Variants in TOMM40 observed in about 807,000 individuals in gnomAD.
TOMM40 encodes the protein mitochondrial import receptor subunit TOM40 homolog.
Under a neutral mutation model 38.4 loss-of-function variants are expected in TOMM40, and 9 were observed. The observed-to-expected ratio is 0.23, with a 90% CI of 0.14 to 0.41. TOMM40 has a LOEUF of 0.41. TOMM40 is among the 10% of genes least tolerant of loss of function. The probability of loss-of-function intolerance (pLI) is 1.00; values close to 1 mark genes in which losing one functional copy is unlikely to be tolerated. For synonymous variants in TOMM40, 184 were observed against 210.0 expected (o/e 0.88, Z 1.07); for missense variants, 299 against 486.5 (o/e 0.61, Z 3.63).
intron 3 of TOMM40, among the ~76,000 whole-genome samples, chr19:44,893,364 G>T (rs976839900): frequency 3.9e-5 from 6 of 152,222 alleles, no homozygotes; most frequent in Admixed American, 2.0e-4. Flanking sequence ...GTGGCCATGT[G>T]GGGGCTAGTT....
At position 44,900,757 on chromosome 19, in the gene TOMM40, G is replaced by A; in HGVS notation, c.671G>A (p.Ser224Asn). 1 of 1,612,878 alleles carries A rather than the reference G, an allele frequency of 6.2e-7. No homozygotes were observed. Among genetic ancestry groups the A allele is most frequent in the Non-Finnish European group, 8.5e-7 (1 of 1,179,928 alleles). ...SGILVAHYLQ[S>N]ITPCLALGGE... is the part of the protein sequence containing the mutation. ...ATCCTCGTAGCCCACTACCTCCAGAGCATCACGCCTTGCCTGGCCCTGGGT... is the reference window on the plus strand; with the variant it reads ...ATCCTCGTAGCCCACTACCTCCAGAACATCACGCCTTGCCTGGCCCTGGGT... The change falls in exon 6 of 9, where the codon AGC becomes AAC. Residue 224 changes from serine to asparagine, a missense_variant. By Grantham distance (46) the Ser-to-Asn change is conservative. Coordinates refer to ENST00000426677, the MANE Select transcript of TOMM40 (RefSeq NM_001128917.2).
chr19:44,899,939 G>A (rs1185655925), intron 5 of TOMM40, among the ~76,000 whole-genome samples: 4 of 151,604 alleles, frequency 2.6e-5, no homozygotes, highest in Non-Finnish European at 4.4e-5. Context: ...CACCACGCCA[G>A]GCTTGTTTTC....
At chr19:44,898,047 TCTC>T (rs1490963743) in intron 5 of TOMM40, among the ~76,000 whole-genome samples, 1 of 151,958 alleles carries the variant, frequency 6.6e-6, no homozygotes, top group Non-Finnish European at 1.5e-5. Context: ...CTACTTCTGA[TCTC>T]AGCCTCCCCA....
In TOMM40 at chr19:44,892,442, G is replaced by C; in HGVS notation, c.324G>C (p.Gly108=). 6.2e-7 allele frequency: 1 copy of C among 1,612,950 alleles called. No individual in the cohort carries two copies. Among genetic ancestry groups the C allele is most frequent in the South Asian group, 1.1e-5 (1 of 91,034 alleles). Residue 108 remains glycine, a synonymous_variant, in exon 2 of 9, where the codon GGG becomes GGC. Coordinates refer to ENST00000426677, the MANE Select transcript of TOMM40 (RefSeq NM_001128917.2). ...GTGTCAAGCTCACAGTCAACAAAGGGTTGAGTAACCATTTTCAGGTGAGCC... is the reference window on the plus strand; with the variant it reads ...GTGTCAAGCTCACAGTCAACAAAGGCTTGAGTAACCATTTTCAGGTGAGCC... ...MEGVKLTVNK[G]LSNHFQVNHT...
chr19:44,897,776 C>CAAA (rs111611308), intron 5 of TOMM40, among the ~76,000 whole-genome samples: 123 of 132,732 alleles, frequency 9.3e-4, no homozygotes, highest in African/African-American at 2.8e-3. Flanking sequence ...CGCCCCATCT[C>CAAA]AAAAAAAAAA....
chr19:44,891,919 T>G (rs1408887765), intron 1 of TOMM40, among the ~76,000 whole-genome samples: 1 of 152,098 alleles, frequency 6.6e-6, no homozygotes, highest in South Asian at 2.1e-4. Flanking sequence ...TTTAGGGACC[T>G]GAGGAGCCCC....
intron 5 of TOMM40, among the ~76,000 whole-genome samples, chr19:44,898,525 C>CTTTTTTTTTTTTTTTTT (rs71173106): frequency 1.0e-4 from 9 of 88,992 alleles, no homozygotes; most frequent in South Asian, 4.3e-4. Context: ...TTTTTTTTTT[C>CTTTTTTTTTTTTTTTTT]TTTTTTTTTT....
intron 1 of TOMM40, 38 bp downstream of exon 1, chr19:44,891,727 T>C: frequency 1.4e-6 from 2 of 1,403,732 alleles, no homozygotes; most frequent in South Asian, 1.5e-5. Flanking sequence ...TGCGATGGCC[T>C]GGATCTCGGG....
intron 5 of TOMM40, among the ~76,000 whole-genome samples, chr19:44,897,490 T>A (rs61679753): frequency 0.055 from 8,328 of 152,130 alleles, 368 homozygotes; most frequent in African/African-American, 0.11. Context: ...GCAGTCTCTG[T>A]TGCCCAGGCC....
At chr19:44,898,361 T>A (rs1969607025) in intron 5 of TOMM40, among the ~76,000 whole-genome samples, 3 of 151,820 alleles carry the variant, frequency 2.0e-5, no homozygotes, top group Non-Finnish European at 4.4e-5. Flanking sequence ...GTGCCCTCAG[T>A]CTCGTGGCCC....
At chr19:44,892,765 A>G (rs1969491779) in intron 2 of TOMM40, 72 bp from the exon 3 acceptor site, 3 of 1,279,342 alleles carry the variant, frequency 2.3e-6, no homozygotes, top group African/African-American at 2.9e-5. Flanking sequence ...CAGCCCAGAG[A>G]CCTTGTCCTT....
At chr19:44,893,420 G>A (rs980639215) in intron 3 of TOMM40, among the ~76,000 whole-genome samples, 2 of 152,238 alleles carry the variant, frequency 1.3e-5, no homozygotes. Context: ...TGGGGGGACT[G>A]AATGAGGTCT....
chr19:44,903,573 C>G lies in TOMM40; in HGVS notation c.*404C>G, dbSNP rs1969726373. ...CCCATCCCCGGTCAGTCCACCCTGC[C>G]CCGTCCACTTTCCCATCTCCTCGGT... On this transcript the variant is annotated 3_prime_UTR_variant, in exon 9 of 9. Coordinates refer to ENST00000426677, the MANE Select transcript of TOMM40 (RefSeq NM_001128917.2). The G allele has an allele frequency of 5.8e-6, 1 of 171,606 alleles. No homozygotes were observed. Among genetic ancestry groups the G allele is most frequent in the African/African-American group, 2.4e-5 (1 of 41,988 alleles). 10.6% of individuals were successfully genotyped at this position (171,606 alleles called of 1,614,324 possible). A position where few individuals can be genotyped will look rare whatever the true frequency, so the allele number is the denominator to read the frequency against.
chr19:44,892,717 C>G, intron 2 of TOMM40, 120 bp from the exon 3 acceptor site: 2 of 873,788 alleles, frequency 2.3e-6, no homozygotes, highest in South Asian at 2.9e-5. Flanking sequence ...CTCTGAGTCT[C>G]TTAGTCAGGC....
chr19:44,900,951 G>A (rs1216794715), intron 6 of TOMM40, 77 bp from the exon 7 acceptor site: 2 of 1,609,304 alleles, frequency 1.2e-6, no homozygotes, highest in African/African-American at 2.7e-5. Flanking sequence ...ACTCAGGTCT[G>A]AGGGAGGAGG....
chr19:44,901,599 GT>G (rs950159943), intron 8 of TOMM40: 5 of 687,248 alleles, frequency 7.3e-6, no homozygotes, highest in African/African-American at 1.8e-5. Context: ...AATTAGCCGG[GT>G]GTGGTTGCGG....
intron 5 of TOMM40, among the ~76,000 whole-genome samples, chr19:44,895,473 A>C (rs966616376): frequency 1.3e-5 from 2 of 152,056 alleles, no homozygotes; most frequent in Non-Finnish European, 2.9e-5. Context: ...CCTGTCCCCA[A>C]CTCACCTGGT....
At chr19:44,893,919 C>T in intron 4 of TOMM40, 38 bp downstream of exon 4, 1 of 1,606,814 alleles carries the variant, frequency 6.2e-7, no homozygotes, top group Non-Finnish European at 8.5e-7. Flanking sequence ...CCCTCGGCCA[C>T]CGTGAGCAGG....
In TOMM40 at chr19:44,894,022, C is replaced by G; in HGVS notation, c.599C>G (p.Thr200Arg). 1 of 1,536,402 alleles carries G rather than the reference C, an allele frequency of 6.5e-7. No homozygotes were observed. Among genetic ancestry groups the G allele is most frequent in the Non-Finnish European group, 8.8e-7 (1 of 1,138,900 alleles). Reference sequence around the variant, plus strand: ...GGGGAGTATCGGGGCTCTGACTTCACAGCAGCCGTCACCCTGGGGAACCCA... The same window carrying G: ...GGGGAGTATCGGGGCTCTGACTTCAGAGCAGCCGTCACCCTGGGGAACCCA... ...VDGEYRGSDF[T>R]AAVTLGNPDV... The change falls in exon 5 of 9, where the codon ACA becomes AGA. Residue 200 changes from threonine (T) to arginine (R), a missense_variant. Transcript: ENST00000426677.
Sources: allele counts gnomAD v4.1 joint callset (sites outside exome capture counted in the v4.1 genomes callset), GRCh38; gene constraint gnomAD v4.1.1; transcripts MANE v1.5; gene names NCBI Gene and HGNC (gene_info 2026-07-23, HGNC 2026-07-21).